CRACR2A: variants seen among roughly 807,000 people sequenced by gnomAD.
CRACR2A encodes calcium release activated channel regulator 2A.
CRACR2A carries 79 observed loss-of-function variants against 90.5 expected under a neutral mutation model. The ratio of observed to expected loss-of-function variants is 0.87; its 90% CI spans 0.73 to 1.05. CRACR2A has a LOEUF of 1.05. Among genes scored for constraint, CRACR2A ranks in the 50% least tolerant of loss-of-function variants. The pLI is 0.00. For missense variants in CRACR2A, 823 were observed against 897.2 expected, an observed-to-expected ratio of 0.92 and a Z score of 1.06; for synonymous variants, 338 against 356.7, an observed-to-expected ratio of 0.95 and a Z score of 0.59.
intron 7 of CRACR2A, among the ~76,000 whole-genome samples, chr12:3,667,675 CT>C (rs1400653663): frequency 6.6e-6 from 1 of 152,226 alleles, no homozygotes; most frequent in African/African-American, 2.4e-5. Flanking sequence ...CCCCACTGCC[CT>C]CTGCCACCTT....
chr12:3,657,663 T>C (rs1944940227), intron 8 of CRACR2A, among the ~76,000 whole-genome samples: 1 of 152,244 alleles, frequency 6.6e-6, no homozygotes, highest in African/African-American at 2.4e-5. Context: ...CTCCCAACAT[T>C]TGCTTCCAGA....
In CRACR2A at chr12:3,713,515, T is replaced by C. The variant is rs1946037967; in HGVS notation, c.-117-198A>G. On this transcript the variant is annotated intron_variant, in intron 2 of 19. Coordinates refer to ENST00000440314, the MANE Select transcript of CRACR2A (RefSeq NM_001144958.2). ...AGGGAAGATGAAGGAATAGCGATGA[T>C]AAGTCTGCTTAGTGACCCTGAATCC... 2.0e-5 allele frequency among the ~76,000 whole-genome samples: 3 copies of C among 152,328 alleles called. No individual in the cohort carries two copies. In the South Asian group the frequency reaches 6.2e-4, roughly 32 times the overall value.
chr12:3,672,734 T>A (rs1407047964), intron 7 of CRACR2A: 1 of 985,462 alleles, frequency 1.0e-6, no homozygotes, highest in Non-Finnish European at 1.2e-6. Flanking sequence ...TATACCTGCC[T>A]GTTCTGACTC....
chr12:3,733,972 TA>T (rs1428182774), intron 1 of CRACR2A, among the ~76,000 whole-genome samples: 5 of 99,062 alleles, frequency 5.0e-5, no homozygotes, highest in African/African-American at 6.8e-5. Flanking sequence ...CATTTTGCCT[TA>T]TTTTTTTTTT....
chr12:3,708,409 G>A (rs1480771127), intron 3 of CRACR2A, among the ~76,000 whole-genome samples: 1 of 152,016 alleles, frequency 6.6e-6, no homozygotes, highest in East Asian at 1.9e-4. Context: ...AGGTTCCCCT[G>A]GAAGCATTTT....
At chr12:3,729,966 T>C (rs1238018321) in intron 2 of CRACR2A, 1 of 152,204 alleles carries the variant, frequency 6.6e-6, no homozygotes, top group Non-Finnish European at 1.5e-5. Context: ...CTGGTCTCCA[T>C]GCAATTACTC....
At chr12:3,640,723 A>G (rs76779686) in intron 13 of CRACR2A, 38,873 of 1,305,336 alleles carry the variant, frequency 0.03, 691 homozygotes, top group African/African-American at 0.062. Context: ...GCAGTCTTCA[A>G]GGTCTCTCTG....
At chr12:3,741,825 C>A (rs755825161) in intron 1 of CRACR2A, among the ~76,000 whole-genome samples, 1 of 152,210 alleles carries the variant, frequency 6.6e-6, no homozygotes, top group South Asian at 2.1e-4. Flanking sequence ...TGGCTTACAT[C>A]TTAGTCCACA....
chr12:3,641,574 C>G (rs1944571454), intron 13 of CRACR2A, among the ~76,000 whole-genome samples, 158 bp downstream of exon 13: 1 of 152,170 alleles, frequency 6.6e-6, no homozygotes, highest in African/African-American at 2.4e-5. Context: ...GATGTCAGAA[C>G]AGGGAGGGGC....
At chr12:3,661,180 G>A (rs941476096) in intron 7 of CRACR2A, among the ~76,000 whole-genome samples, 4 of 152,156 alleles carry the variant, frequency 2.6e-5, no homozygotes, top group African/African-American at 7.2e-5. Flanking sequence ...CACCTGTTGG[G>A]AGAGCATTTT....
At chr12:3,655,844 C>G (rs1219577256) in intron 9 of CRACR2A, among the ~76,000 whole-genome samples, 3 of 152,238 alleles carry the variant, frequency 2.0e-5, no homozygotes, top group Admixed American at 2.0e-4. Context: ...AGGCACCACA[C>G]AGCCAGGGAA....
chr12:3,748,035 T>C (rs990182478), intron 1 of CRACR2A, among the ~76,000 whole-genome samples: 1 of 150,956 alleles, frequency 6.6e-6, no homozygotes, highest in Non-Finnish European at 1.5e-5. Context: ...GGCTCAGGGG[T>C]GCACCCAGAA....
chr12:3,694,420 T>C (rs1020559210), intron 4 of CRACR2A, among the ~76,000 whole-genome samples: 21 of 152,168 alleles, frequency 1.4e-4, no homozygotes, highest in African/African-American at 4.1e-4. Context: ...TGTGTGTATA[T>C]GAAAAATGTG....
intron 1 of CRACR2A, among the ~76,000 whole-genome samples, chr12:3,734,477 T>C (rs556496179): frequency 2.6e-5 from 4 of 152,208 alleles, no homozygotes; most frequent in South Asian, 4.2e-4. Context: ...ATCCCACTTC[T>C]AGGTATATGT....
At chr12:3,631,790 G>C (rs774254653) in intron 15 of CRACR2A, among the ~76,000 whole-genome samples, 4 of 152,212 alleles carry the variant, frequency 2.6e-5, no homozygotes, top group Non-Finnish European at 5.9e-5. Flanking sequence ...CCCTCTCTGG[G>C]AGAAATGTTA....
rs768513153 is a variant in CRACR2A, at chr12:3,673,612, C to T, written c.525-20G>A. 8 of 1,610,260 alleles carry T rather than the reference C, an allele frequency of 5.0e-6. No homozygotes were observed. The highest frequency in any genetic ancestry group is 4.4e-5 in the South Asian group (4 of 90,418). ...CTTTCACTGCAAGAGAAGGGACGCT[C>T]ATGTGGAAGTGTGGAGATGAGGCTT... On this transcript the variant is annotated intron_variant, in intron 6 of 19. Coordinates refer to ENST00000440314, the MANE Select transcript of CRACR2A (RefSeq NM_001144958.2).
intron 4 of CRACR2A, among the ~76,000 whole-genome samples, chr12:3,682,145 C>T (rs762675588): frequency 1.8e-4 from 27 of 152,182 alleles, no homozygotes; most frequent in Admixed American, 5.9e-4. Context: ...AGGGTAAAAG[C>T]GCAAGCTCCT....
intron 2 of CRACR2A, among the ~76,000 whole-genome samples, chr12:3,716,438 G>C (rs1772078074): frequency 6.6e-6 from 1 of 152,210 alleles, no homozygotes; most frequent in South Asian, 2.1e-4. Context: ...CAAACACTGA[G>C]TGGAAAGTTT....
chr12:3,707,159 G>C (rs920956199), intron 3 of CRACR2A, among the ~76,000 whole-genome samples: 17 of 152,034 alleles, frequency 1.1e-4, no homozygotes, highest in African/African-American at 3.9e-4. Context: ...GGATGGAGGT[G>C]CATTTGACTG....
Sources: gnomAD v4.1 joint callset for allele counts (sites outside exome capture counted in the v4.1 genomes callset) on GRCh38, gnomAD v4.1.1 for gene constraint, MANE v1.5 for transcripts, NCBI Gene and HGNC (gene_info 2026-07-23, HGNC 2026-07-21) for gene names.